The following MAGI3 variants were observed in gnomAD, a reference collection of about 807,000 sequenced individuals.
The protein encoded by MAGI3 is membrane associated guanylate kinase, WW and PDZ domain containing 3.
MAGI3 carries 43 observed loss-of-function variants against 121.8 expected under a neutral mutation model. The ratio of observed to expected loss-of-function variants is 0.35; its 90% CI spans 0.28 to 0.46. MAGI3 has a LOEUF of 0.46. Ranked by LOEUF, MAGI3 falls within the 20% of genes least tolerant of loss-of-function variation. The probability of loss-of-function intolerance (pLI) is 1.00; values close to 1 mark genes in which losing one functional copy is unlikely to be tolerated. For synonymous variants in MAGI3, 553 were observed against 639.3 expected (o/e 0.86, Z 2.04); for missense variants, 1,547 against 1,797.3 (o/e 0.86, Z 2.52).
At chr1:113,560,831 T>C (rs979579991) in intron 2 of MAGI3, among the ~76,000 whole-genome samples, 2 of 151,922 alleles carry the variant, frequency 1.3e-5, no homozygotes, top group South Asian at 2.1e-4. Context: ...ATCTAGGAGC[T>C]GGGTTTTTGA....
chr1:113,590,573 T>C lies in MAGI3; in HGVS notation c.853T>C (p.Tyr285His), dbSNP rs149597924. ...AAATAGCTCCATGGACTTTAGAAAT[T>C]ATATGATGAGAGATGAGACTCTGGA... ...QTNSSMDFRN[Y>H]MMRDETLEPL... is the part of the protein sequence containing the mutation. Residue 285 changes from tyrosine (Y) to histidine (H), a missense_variant, in exon 5 of 21, where the codon TAT (tyrosine) becomes CAT (histidine). Transcript: ENST00000307546. 8.5e-3 allele frequency: 13,697 copies of C among 1,613,744 alleles called. 72 individuals are homozygous for C. Among genetic ancestry groups the C allele is most frequent in the Non-Finnish European group, 0.01 (12,116 of 1,179,704 alleles).
chr1:113,541,944 G>A (rs555031087), intron 1 of MAGI3, among the ~76,000 whole-genome samples: 1 of 152,220 alleles, frequency 6.6e-6, no homozygotes, highest in Non-Finnish European at 1.5e-5. Flanking sequence ...AAGTGCTGTC[G>A]CATGTCTTGT....
intron 1 of MAGI3, among the ~76,000 whole-genome samples, chr1:113,492,700 C>A (rs75671843): frequency 0.023 from 3,537 of 152,242 alleles, 133 homozygotes; most frequent in African/African-American, 0.081. Flanking sequence ...TCAGCAAGGT[C>A]TCAGGATACA....
In MAGI3 at chr1:113,416,340, T is replaced by C. The variant is rs1298322119; in HGVS notation, c.316+24991T>C. On this transcript the variant is annotated intron_variant, in intron 1 of 20. Transcript: ENST00000307546. ...TATGTAATTAATTATATATCAATCA[T>C]ATATTAATTATATATTAATTTATAT... is the stretch of plus-strand genomic sequence containing the variant. 1.2e-3 allele frequency among the ~76,000 whole-genome samples: 54 copies of C among 45,326 alleles called. 1 individual carries two copies. Among genetic ancestry groups the C allele is most frequent in the Middle Eastern group, 0.028 (1 of 36 alleles). 29.7% of individuals were successfully genotyped at this position (45,326 alleles called of 152,430 possible). A position where few individuals can be genotyped will look rare whatever the true frequency, so the allele number is the denominator to read the frequency against.
chr1:113,670,142 T>C (rs1647452558), intron 16 of MAGI3, among the ~76,000 whole-genome samples: 1 of 152,084 alleles, frequency 6.6e-6, no homozygotes, highest in South Asian at 2.1e-4. Flanking sequence ...CCAGGTCTAG[T>C]ACACATTGTT....
In MAGI3 at chr1:113,659,127, C is replaced by T. The variant is rs531102980; in HGVS notation, c.2677C>T (p.Arg893Cys). 1.8e-5 allele frequency: 29 copies of T among 1,613,744 alleles called. No homozygotes were observed. The highest frequency in any genetic ancestry group is 4.5e-5 in the East Asian group (2 of 44,870). The change falls in exon 16 of 21, where the codon CGC becomes TGC. Residue 893 changes from arginine (R) to cysteine (C), a missense_variant. Coordinates refer to ENST00000307546, the MANE Select transcript of MAGI3 (RefSeq NM_001142782.2). Reference protein sequence around the residue: ...GRVIEGSPADRCGKLKVGDHI... With the variant: ...GRVIEGSPADCCGKLKVGDHI... ...AGTCATAGAAGGAAGTCCGGCTGAC[C>T]GCTGTGGAAAACTGAAAGTTGGAGA...
chr1:113,514,490 C>T (rs376281254), intron 1 of MAGI3, among the ~76,000 whole-genome samples: 100 of 151,718 alleles, frequency 6.6e-4, no homozygotes, highest in East Asian at 3.7e-3. Flanking sequence ...ATGGATGAAA[C>T]TGGAAATCAT....
chr1:113,576,869 A>C (rs1647681329), intron 2 of MAGI3: 1 of 152,168 alleles, frequency 6.6e-6, no homozygotes, highest in Non-Finnish European at 1.5e-5. Flanking sequence ...TATGGCTTTA[A>C]AGAAAGTGTG....
intron 1 of MAGI3, among the ~76,000 whole-genome samples, chr1:113,511,806 A>G (rs759139095): frequency 1.3e-5 from 2 of 152,238 alleles, no homozygotes; most frequent in Non-Finnish European, 2.9e-5. Flanking sequence ...AGGACATTTA[A>G]TGAATTTACT....
intron 3 of MAGI3, among the ~76,000 whole-genome samples, chr1:113,584,967 CTTTT>C (rs58296325): frequency 7.4e-5 from 10 of 135,756 alleles, no homozygotes; most frequent in Non-Finnish European, 1.4e-4. Flanking sequence ...TAGATATTTC[CTTTT>C]TTTTTTTTTT....
chr1:113,492,065 A>G (rs1394805697), intron 1 of MAGI3, among the ~76,000 whole-genome samples: 2 of 152,192 alleles, frequency 1.3e-5, no homozygotes, highest in Non-Finnish European at 2.9e-5. Context: ...GACACAACAA[A>G]AAAAGAAAAC....
At chr1:113,560,426 A>T (rs1660184595) in intron 2 of MAGI3, among the ~76,000 whole-genome samples, 1 of 151,876 alleles carries the variant, frequency 6.6e-6, no homozygotes, top group Non-Finnish European at 1.5e-5. Flanking sequence ...AAAAAACAAT[A>T]AAACAAAAAA....
intron 1 of MAGI3, among the ~76,000 whole-genome samples, chr1:113,474,487 G>T (rs562464260): frequency 6.6e-6 from 1 of 152,306 alleles, no homozygotes; most frequent in South Asian, 2.1e-4. Context: ...TATATGGCTA[G>T]CCAGTTTTCC....
At chr1:113,609,517 A>T (rs1427393404) in intron 6 of MAGI3, among the ~76,000 whole-genome samples, 1 of 152,212 alleles carries the variant, frequency 6.6e-6, no homozygotes, top group Non-Finnish European at 1.5e-5. Flanking sequence ...TCTTGAAAAT[A>T]CAACATTAGG....
chr1:113,529,480 G>A (rs1658607374), intron 1 of MAGI3, among the ~76,000 whole-genome samples: 1 of 152,064 alleles, frequency 6.6e-6, no homozygotes, highest in Non-Finnish European at 1.5e-5. Flanking sequence ...ATTGATGCAG[G>A]CTCTGTCCTC....
At chr1:113,412,275 A>G (rs376517052) in intron 1 of MAGI3, among the ~76,000 whole-genome samples, 1 of 152,002 alleles carries the variant, frequency 6.6e-6, no homozygotes, top group African/African-American at 2.4e-5. Context: ...TCTATCATTG[A>G]TGGACATTTG....
intron 1 of MAGI3, among the ~76,000 whole-genome samples, chr1:113,474,439 T>A (rs576638181): frequency 6.6e-6 from 1 of 152,218 alleles, no homozygotes; most frequent in Non-Finnish European, 1.5e-5. Context: ...TTAATTTTTG[T>A]ATAAGGTGTA....
At chr1:113,618,905 T>C (rs1463356754) in intron 7 of MAGI3, among the ~76,000 whole-genome samples, 2 of 152,254 alleles carry the variant, frequency 1.3e-5, no homozygotes, top group Admixed American at 1.3e-4. Flanking sequence ...ATTAGACCTA[T>C]TCGAGGTCCT....
intron 13 of MAGI3, 61 bp from the exon 14 acceptor site, chr1:113,650,953 T>G: frequency 2.1e-6 from 3 of 1,462,070 alleles, no homozygotes; most frequent in Non-Finnish European, 2.8e-6. Context: ...AGTTAGGAAT[T>G]CCTTAACTCT....
Sources: gnomAD v4.1 joint callset for allele counts (sites outside exome capture counted in the v4.1 genomes callset) on GRCh38, gnomAD v4.1.1 for gene constraint, MANE v1.5 for transcripts, NCBI Gene and HGNC (gene_info 2026-07-23, HGNC 2026-07-21) for gene names.